Variants in ALDH1L1 observed in about 807,000 individuals in gnomAD.
ALDH1L1 encodes aldehyde dehydrogenase 1 family member L1.
A neutral mutation model predicts 101.1 loss-of-function variants in ALDH1L1; 68 were observed. That is an observed-to-expected ratio of 0.67 (90% CI 0.55 to 0.82). ALDH1L1 has a LOEUF of 0.82. Ranked by LOEUF, ALDH1L1 falls within the 40% of genes least tolerant of loss-of-function variation. ALDH1L1 has a pLI of 0.00. For synonymous variants in ALDH1L1, 486 were observed against 470.8 expected (o/e 1.03, Z -0.42); for missense variants, 1,087 against 1,172.7 (o/e 0.93, Z 1.07).
chr3:126,111,640 C>T (rs1239654526), intron 19 of ALDH1L1, among the ~76,000 whole-genome samples: 1 of 152,242 alleles, frequency 6.6e-6, no homozygotes, highest in East Asian at 1.9e-4. Flanking sequence ...GGACTCTGAG[C>T]CACCTCCCCA....
intron 17 of ALDH1L1, chr3:126,114,928 G>C (rs1203322163): frequency 1.9e-6 from 1 of 532,178 alleles, no homozygotes; most frequent in Non-Finnish European, 3.6e-6. Flanking sequence ...GCAGGCCTGT[G>C]TTCCCTTCTC....
chr3:126,105,812 C>T lies in ALDH1L1; in HGVS notation c.2567G>A (p.Gly856Asp). The change falls in exon 22 of 23, where the codon GGC (glycine) becomes GAC (aspartate). Residue 856 changes from glycine (G) to aspartate (D), a missense_variant. Transcript: ENST00000393434. Reference sequence around the variant, plus strand: ...GTTGTACGTGTTGACAAACACAGTGCCTGCCTGGAGCTTGTCACTGACATA... The same window carrying T: ...GTTGTACGTGTTGACAAACACAGTGTCTGCCTGGAGCTTGTCACTGACATA... ...ALYVSDKLQA[G>D]TVFVNTYNKT... 6.2e-7 allele frequency: 1 copy of T among 1,614,224 alleles called. No homozygotes were observed. Among genetic ancestry groups the T allele is most frequent in the Non-Finnish European group, 8.5e-7 (1 of 1,180,052 alleles).
chr3:126,132,638 T>C (rs570405348), intron 12 of ALDH1L1, among the ~76,000 whole-genome samples: 1 of 152,168 alleles, frequency 6.6e-6, no homozygotes, highest in African/African-American at 2.4e-5. Context: ...TCTGTACTTG[T>C]TTCAGACACG....
chr3:126,163,889 G>A (rs372275654), intron 1 of ALDH1L1, among the ~76,000 whole-genome samples: 1 of 152,126 alleles, frequency 6.6e-6, no homozygotes, highest in Non-Finnish European at 1.5e-5. Flanking sequence ...ACCCCAGCAC[G>A]TTGGGAGGCT....
At chr3:126,147,861 C>T (rs1473704251) in intron 8 of ALDH1L1, among the ~76,000 whole-genome samples, 1 of 152,172 alleles carries the variant, frequency 6.6e-6, no homozygotes, top group African/African-American at 2.4e-5. Flanking sequence ...CAACACCACA[C>T]CAAGCCACGC....
At chr3:126,142,950 C>T (rs1196943517) in intron 9 of ALDH1L1, among the ~76,000 whole-genome samples, 1 of 152,170 alleles carries the variant, frequency 6.6e-6, no homozygotes, top group Non-Finnish European at 1.5e-5. Context: ...ATGATTACAT[C>T]CCAAAAACCC....
intron 4 of ALDH1L1, 141 bp from the exon 5 acceptor site, chr3:126,155,644 C>A: frequency 1.6e-6 from 1 of 616,990 alleles, no homozygotes; most frequent in Non-Finnish European, 2.7e-6. Flanking sequence ...AAACACCTGC[C>A]ATATGAACAA....
At chr3:126,184,776 A>G (rs2081503345), upstream of ALDH1L1, among the ~76,000 whole-genome samples, 1 of 152,224 alleles carries the variant, frequency 6.6e-6, no homozygotes, top group South Asian at 2.1e-4. Context: ...GGGAATCAGT[A>G]ACTGGGACTG....
At chr3:126,191,460 T>C (rs369016418) in intron 1 of ALDH1L1, among the ~76,000 whole-genome samples, 2 of 152,204 alleles carry the variant, frequency 1.3e-5, no homozygotes, top group African/African-American at 2.4e-5. Flanking sequence ...GTGAAAAGTT[T>C]AGTGCAATTT....
At chr3:126,134,439 T>C (rs1408842826) in intron 12 of ALDH1L1, among the ~76,000 whole-genome samples, 2 of 152,198 alleles carry the variant, frequency 1.3e-5, no homozygotes, top group African/African-American at 4.8e-5. Context: ...CTGTCGTGCT[T>C]GTTTCACAGC....
chr3:126,112,490 A>G (rs556174452), intron 19 of ALDH1L1, among the ~76,000 whole-genome samples: 16 of 152,260 alleles, frequency 1.1e-4, no homozygotes, highest in South Asian at 8.3e-4. Flanking sequence ...TGAGTAAATC[A>G]CCTGCACTGA....
At chr3:126,158,106 C>G (rs1244119637) in intron 3 of ALDH1L1, among the ~76,000 whole-genome samples, 1 of 151,868 alleles carries the variant, frequency 6.6e-6, no homozygotes, top group African/African-American at 2.4e-5. Context: ...TGTCCCTGCG[C>G]CTTCTGGTGC....
At chr3:126,114,859 C>T (rs758483221) in intron 17 of ALDH1L1, 1 of 621,678 alleles carries the variant, frequency 1.6e-6, no homozygotes, top group Non-Finnish European at 3.0e-6. Flanking sequence ...CACACCAGGC[C>T]TGTGCCCCAC....
chr3:126,155,386 G>A lies in ALDH1L1; in HGVS notation c.630+16C>T, dbSNP rs751390868. 2 of 1,608,156 alleles carry A rather than the reference G, an allele frequency of 1.2e-6. No homozygotes were observed. The highest frequency in any genetic ancestry group is 1.1e-5 in the South Asian group (1 of 89,792). ...CTCACAGGCAGGATGAGGGTGTGGAGGGACCCAGCACTCACCTTGGCTGTC... is the reference window on the plus strand; with the variant it reads ...CTCACAGGCAGGATGAGGGTGTGGAAGGACCCAGCACTCACCTTGGCTGTC... On this transcript the variant is annotated intron_variant, in intron 5 of 22. Transcript: ENST00000393434.
chr3:126,182,590 A>C (rs1321935488), upstream of ALDH1L1, among the ~76,000 whole-genome samples: 1 of 152,158 alleles, frequency 6.6e-6, no homozygotes, highest in Non-Finnish European at 1.5e-5. Context: ...TGTGCCATAT[A>C]ATCTGTAGGA....
chr3:126,157,297 A>C (rs998491718), intron 4 of ALDH1L1, 46 bp downstream of exon 4: 1 of 1,577,952 alleles, frequency 6.3e-7, no homozygotes, highest in African/African-American at 1.3e-5. Flanking sequence ...AGGATGCTTG[A>C]GGGTGCGTCG....
chr3:126,110,213 C>T (rs963311761), intron 19 of ALDH1L1, 104 bp from the exon 20 acceptor site: 1 of 1,453,990 alleles, frequency 6.9e-7, no homozygotes, highest in South Asian at 1.3e-5. Flanking sequence ...GGAAAGTCCA[C>T]ACTCTGTTCT....
At chr3:126,178,645 TA>T (rs1474898749) in intron 1 of ALDH1L1, among the ~76,000 whole-genome samples, 2 of 152,050 alleles carry the variant, frequency 1.3e-5, no homozygotes, top group East Asian at 1.9e-4. Flanking sequence ...AAGAAAACAT[TA>T]AATTATTAGA....
At chr3:126,180,904 G>C, upstream of ALDH1L1, 1 of 1,599,940 alleles carries the variant, frequency 6.3e-7, no homozygotes, top group South Asian at 1.1e-5. Flanking sequence ...GGAGACCCTC[G>C]CCAAGCCGGT....
Sources: gnomAD v4.1 joint callset for allele counts (sites outside exome capture counted in the v4.1 genomes callset) on GRCh38, gnomAD v4.1.1 for gene constraint, MANE v1.5 for transcripts, NCBI Gene and HGNC (gene_info 2026-07-23, HGNC 2026-07-21) for gene names.